The following ANKRD44 variants were observed in gnomAD, a reference collection of about 807,000 sequenced individuals.
The protein encoded by ANKRD44 is serine/threonine-protein phosphatase 6 regulatory ankyrin repeat subunit B.
Under a neutral mutation model 116.0 loss-of-function variants are expected in ANKRD44, and 35 were observed. That is an observed-to-expected ratio of 0.30 (90% CI 0.23 to 0.40). The LOEUF is 0.40. ANKRD44 is among the 10% of genes least tolerant of loss of function. The pLI is 1.00. For synonymous variants in ANKRD44, 435 were observed against 461.8 expected (o/e 0.94, Z 0.74); for missense variants, 1,014 against 1,242.6 (o/e 0.82, Z 2.77).
At chr2:197,027,827 C>A (rs1446701968) in intron 16 of ANKRD44, among the ~76,000 whole-genome samples, 1 of 151,948 alleles carries the variant, frequency 6.6e-6, no homozygotes, top group Admixed American at 6.6e-5. Context: ...GGACTACAGG[C>A]ACGTGCCACC....
intron 2 of ANKRD44, among the ~76,000 whole-genome samples, chr2:197,174,129 C>T (rs2080307338): frequency 6.6e-6 from 1 of 152,168 alleles, no homozygotes. Context: ...GGTTCTCTTG[C>T]TATCCCATTT....
intron 19 of ANKRD44, 29 bp from the exon 20 acceptor site, chr2:197,007,952 A>G: frequency 6.6e-7 from 1 of 1,524,180 alleles, no homozygotes; most frequent in Non-Finnish European, 9.1e-7. Flanking sequence ...CAGGCTTTTA[A>G]AAAGGAGATT....
At chr2:197,003,895 G>C (rs145371390) in intron 21 of ANKRD44, among the ~76,000 whole-genome samples, 2 of 152,050 alleles carry the variant, frequency 1.3e-5, no homozygotes, top group East Asian at 3.9e-4. Flanking sequence ...TGAGGAAATA[G>C]AAAATTTGGC....
chr2:197,215,902 G>C (rs1574291170), intron 1 of ANKRD44, among the ~76,000 whole-genome samples: 2 of 152,214 alleles, frequency 1.3e-5, no homozygotes, highest in African/African-American at 2.4e-5. Flanking sequence ...TTATGATGCT[G>C]TTTCCTCCTC....
intron 2 of ANKRD44, among the ~76,000 whole-genome samples, chr2:197,176,107 A>T (rs535062415): frequency 6.6e-6 from 1 of 152,148 alleles, no homozygotes; most frequent in South Asian, 2.1e-4. Flanking sequence ...GAGCAAGGAG[A>T]TAGAAGCCAT....
At chr2:197,180,177 T>G (rs1369808653) in intron 2 of ANKRD44, among the ~76,000 whole-genome samples, 1 of 152,122 alleles carries the variant, frequency 6.6e-6, no homozygotes, top group Non-Finnish European at 1.5e-5. Context: ...GCATTTACTT[T>G]CCAGATGCAT....
At chr2:197,019,943 C>T (rs777748058) in intron 17 of ANKRD44, among the ~76,000 whole-genome samples, 2 of 151,982 alleles carry the variant, frequency 1.3e-5, no homozygotes, top group Non-Finnish European at 2.9e-5. Context: ...ATTACAGGTG[C>T]ACGCCACCAT....
intron 12 of ANKRD44, among the ~76,000 whole-genome samples, chr2:197,087,754 T>C (rs1282337814): frequency 1.3e-5 from 2 of 152,134 alleles, no homozygotes; most frequent in Non-Finnish European, 2.9e-5. Flanking sequence ...AGCACCTGTC[T>C]CTTACTGAAT....
chr2:197,285,053 A>G (rs575173021), intron 1 of ANKRD44, among the ~76,000 whole-genome samples: 1 of 151,798 alleles, frequency 6.6e-6, no homozygotes, highest in Non-Finnish European at 1.5e-5. Flanking sequence ...GCACTCTAGA[A>G]GGCTCCCTAA....
At chr2:197,147,207 G>A (rs1227624611) in intron 2 of ANKRD44, 102 bp from the exon 3 acceptor site, 2 of 884,032 alleles carry the variant, frequency 2.3e-6, no homozygotes, top group Admixed American at 2.1e-5. Context: ...GTTAATGCAT[G>A]TGGAAGAGTG....
rs1199449539 is a variant in ANKRD44 at position 197,212,591 on chromosome 2, C to T, written c.28-25485G>A. On this transcript the variant is annotated intron_variant, in intron 1 of 27. Coordinates refer to ENST00000282272, the MANE Select transcript of ANKRD44 (RefSeq NM_001195144.2). The surrounding 1 kb of genome is among the most constrained non-coding windows in gnomAD (Gnocchi z 4.8). ...ATTCATTCACATTCATTCAAAATAA[C>T]ACATTTGTTCACCCTGCCTCTTCCA... Among the ~76,000 whole-genome samples the T allele has an allele frequency of 6.6e-6, 1 of 152,178 alleles. No homozygotes were observed. Among genetic ancestry groups the T allele is most frequent in the African/African-American group, 2.4e-5 (1 of 41,452 alleles).
intron 16 of ANKRD44, among the ~76,000 whole-genome samples, chr2:197,051,582 A>T (rs1253103710): frequency 6.6e-6 from 1 of 151,966 alleles, no homozygotes; most frequent in Non-Finnish European, 1.5e-5. Context: ...TTTAATTTTT[A>T]TTTTTTGCTC....
At chr2:197,302,517 A>G (rs1050560921) in intron 1 of ANKRD44, 1 of 152,246 alleles carries the variant, frequency 6.6e-6, no homozygotes, top group African/African-American at 2.4e-5. Flanking sequence ...CTCTTTCCCA[A>G]ACTCCAACTC....
rs540001142 is a variant in ANKRD44, at chr2:197,112,942, G to A, written c.907-2098C>T. ...AAAAAAGGAATTACACATAGTCTGT[G>A]CCAAGAAAAAAAAGTTAATTAGAAC... On this transcript the variant is annotated intron_variant, in intron 8 of 27. Transcript: ENST00000282272. Among the ~76,000 whole-genome samples, 182 of 150,218 alleles carry A rather than the reference G, an allele frequency of 1.2e-3. 1 individual carries two copies. Among genetic ancestry groups the A allele is most frequent in the African/African-American group, 4.3e-3 (177 of 40,964 alleles).
chr2:197,264,565 T>G (rs763824905), intron 1 of ANKRD44, among the ~76,000 whole-genome samples: 2 of 152,182 alleles, frequency 1.3e-5, no homozygotes, highest in Non-Finnish European at 2.9e-5. Flanking sequence ...CTGCAACAAA[T>G]AGTTCATAAC....
chr2:197,107,024 T>C (rs1363170297), intron 9 of ANKRD44, among the ~76,000 whole-genome samples: 1 of 152,144 alleles, frequency 6.6e-6, no homozygotes, highest in African/African-American at 2.4e-5. Context: ...CATTTGAAGG[T>C]TGCAAGTTAA....
chr2:196,975,613 GTTT>G (rs34870683), intron 21 of ANKRD44, among the ~76,000 whole-genome samples: 3 of 144,780 alleles, frequency 2.1e-5, no homozygotes, highest in Non-Finnish European at 4.5e-5. Context: ...GTGTCACACT[GTTT>G]TTTTTTTTTA....
intron 10 of ANKRD44, among the ~76,000 whole-genome samples, chr2:197,094,185 T>G (rs955253503): frequency 1.1e-4 from 17 of 152,178 alleles, no homozygotes; most frequent in Non-Finnish European, 1.0e-4. Context: ...AGCCTTCTCT[T>G]TAGGCCATGT....
chr2:197,233,692 C>G (rs964626022), intron 1 of ANKRD44, among the ~76,000 whole-genome samples: 1 of 152,162 alleles, frequency 6.6e-6, no homozygotes, highest in Non-Finnish European at 1.5e-5. Context: ...TCAGCAATAG[C>G]TCAAGTTTAA....
Sources: allele counts gnomAD v4.1 joint callset (sites outside exome capture counted in the v4.1 genomes callset), GRCh38; gene constraint gnomAD v4.1.1; non-coding constraint Gnocchi (gnomAD v3.1); transcripts MANE v1.5; gene names NCBI Gene and HGNC (gene_info 2026-07-23, HGNC 2026-07-21).